The following CCNE1 variants were observed in gnomAD, a reference collection of about 807,000 sequenced individuals.
The protein encoded by CCNE1 is cyclin E1, also known as G1/S-specific cyclin-E1.
CCNE1 carries 8 observed loss-of-function variants against 54.1 expected under a neutral mutation model. The ratio of observed to expected loss-of-function variants is 0.15; its 90% CI spans 0.09 to 0.27. The LOEUF (loss-of-function observed/expected upper bound fraction) is 0.27. Ranked by LOEUF, CCNE1 falls within the 10% of genes least tolerant of loss-of-function variation. CCNE1 has a pLI of 1.00. For missense variants in CCNE1, 430 were observed against 514.9 expected, an observed-to-expected ratio of 0.84 and a Z score of 1.60; for synonymous variants, 179 against 185.2, an observed-to-expected ratio of 0.97 and a Z score of 0.27.
intron 5 of CCNE1, 62 bp downstream of exon 5, chr19:29,817,344 C>CATAGCA (rs1974045793): frequency 1.7e-5 from 28 of 1,613,432 alleles, no homozygotes; most frequent in Non-Finnish European, 2.3e-5. Flanking sequence ...CTTTATCCCT[C>CATAGCA]ATAGCATGGA....
chr19:29,821,473 AGG>A (rs1974143164), intron 7 of CCNE1, among the ~76,000 whole-genome samples: 2 of 152,182 alleles, frequency 1.3e-5, no homozygotes, highest in South Asian at 4.2e-4. Context: ...GGTACTGAAA[AGG>A]GGATATTTCA....
chr19:29,821,571 T>A (rs1187757160), intron 7 of CCNE1, 151 bp from the exon 8 acceptor site: 10 of 173,482 alleles, frequency 5.8e-5, no homozygotes, highest in Admixed American at 8.8e-5. Context: ...TTTTTTTTTT[T>A]ACAACCATTG....
intron 4 of CCNE1, among the ~76,000 whole-genome samples, chr19:29,813,521 G>A (rs1973942722): frequency 6.6e-6 from 1 of 152,106 alleles, no homozygotes; most frequent in African/African-American, 2.4e-5. Flanking sequence ...GACCTCCTCC[G>A]TCTTCTGTAG....
At chr19:29,818,757 C>T (rs562609999) in intron 6 of CCNE1, among the ~76,000 whole-genome samples, 3 of 147,964 alleles carry the variant, frequency 2.0e-5, no homozygotes, top group African/African-American at 7.5e-5. Context: ...TAGCGAGACC[C>T]CATGTCTTTT....
Position 29,823,958 on chromosome 19 carries a change from T to A in CCNE1, c.*181T>A. ...CAAAGTGTTTTTTATTGAATGCTTATAGGTTTTTTTTAAATAAGTGGGTCA... is the reference window on the plus strand; with the variant it reads ...CAAAGTGTTTTTTATTGAATGCTTAAAGGTTTTTTTTAAATAAGTGGGTCA... On this transcript the variant is annotated 3_prime_UTR_variant, in exon 12 of 12. Transcript: ENST00000262643. 3.3e-6 allele frequency: 2 copies of A among 604,266 alleles called. No individual in the cohort carries two copies. Among genetic ancestry groups the A allele is most frequent in the Non-Finnish European group, 5.2e-6 (2 of 385,916 alleles). 37.4% of individuals were successfully genotyped at this position (604,266 alleles called of 1,614,324 possible).
At position 29,818,991 on chromosome 19, in the gene CCNE1, G is replaced by A. The variant is rs3218050; in HGVS notation, c.462+1450G>A. ...TTGGTCAGGCTGGTCTTGAAGTCCC[G>A]ACCTCAGGTGATCCGCCCGCCTTGG... On this transcript the variant is annotated intron_variant, in intron 6 of 11. Coordinates refer to ENST00000262643, the MANE Select transcript of CCNE1 (RefSeq NM_001238.4). 1.8e-3 allele frequency among the ~76,000 whole-genome samples: 267 copies of A among 152,000 alleles called. 1 individual carries two copies. Among genetic ancestry groups the A allele is most frequent in the Admixed American group, 3.2e-3 (49 of 15,258 alleles).
chr19:29,821,077 C>CA (rs796487554), intron 7 of CCNE1, among the ~76,000 whole-genome samples: 61 of 142,826 alleles, frequency 4.3e-4, no homozygotes, highest in South Asian at 1.6e-3. Context: ...TACATTGAGC[C>CA]AAAAAAAAAA....
Position 29,824,168 on chromosome 19 carries a change from G to A in CCNE1, c.*391G>A, listed in dbSNP as rs145951198. 6 of 263,578 alleles carry A rather than the reference G, an allele frequency of 2.3e-5. No homozygotes were observed. The highest frequency in any genetic ancestry group is 1.1e-3 in the Middle Eastern group (1 of 920). The allele number at this position is 263,578 out of a possible 1,614,324, so 16.3% of individuals were successfully genotyped here. A position where few individuals can be genotyped will look rare whatever the true frequency, so the allele number is the denominator to read the frequency against. ...GTGGAGCAGGTGGTTGCGGGCAAGC[G>A]TTGTGCAGAGCCCATAGCCAGCTGG... On this transcript the variant is annotated 3_prime_UTR_variant, in exon 12 of 12. Coordinates refer to ENST00000262643, the MANE Select transcript of CCNE1 (RefSeq NM_001238.4).
At position 29,813,245 on chromosome 19, in the gene CCNE1, C is replaced by T. The variant is rs1024810840; in HGVS notation, c.180+208C>T. 11 of 586,182 alleles carry T rather than the reference C, an allele frequency of 1.9e-5. No individual in the cohort carries two copies. The Middle Eastern group carries it at 1.4e-3, about 72-fold the overall frequency. 36.3% of individuals were successfully genotyped at this position (586,182 alleles called of 1,614,324 possible). On this transcript the variant is annotated intron_variant, in intron 4 of 11. Transcript: ENST00000262643. ...ATTCCAGGAAGCTTGGTGTTCCTGACTGGCACCGTCTGAGATTACAGATAT... is the reference window on the plus strand; with the variant it reads ...ATTCCAGGAAGCTTGGTGTTCCTGATTGGCACCGTCTGAGATTACAGATAT...
At chr19:29,813,274 C>G (rs1452025799) in intron 4 of CCNE1, 1 of 555,404 alleles carries the variant, frequency 1.8e-6, no homozygotes, top group Admixed American at 3.1e-5. Context: ...CAGATATGTG[C>G]CTAGCCTGGA....
chr19:29,812,605 C>T, intron 2 of CCNE1, 27 bp downstream of exon 2: 2 of 1,521,230 alleles, frequency 1.3e-6, no homozygotes, highest in African/African-American at 1.4e-5. Context: ...CGGGGCCGGA[C>T]GGGACGGGAC....
In CCNE1 at chr19:29,813,047, C is replaced by T. The variant is rs769007494; in HGVS notation, c.180+10C>T. ...CCAGTGTGGGAGCCAGGTAGGTCCG[C>T]CCGGGGTTGGGCCTCTGTGGAGGTC... On this transcript the variant is annotated intron_variant, in intron 4 of 11. Coordinates refer to ENST00000262643, the MANE Select transcript of CCNE1 (RefSeq NM_001238.4). 6.2e-7 allele frequency: 1 copy of T among 1,613,838 alleles called. No individual in the cohort carries two copies. Among genetic ancestry groups the T allele is most frequent in the South Asian group, 1.1e-5 (1 of 91,062 alleles).
chr19:29,816,600 T>A (rs951325293), intron 4 of CCNE1, among the ~76,000 whole-genome samples: 5 of 152,252 alleles, frequency 3.3e-5, no homozygotes, highest in Non-Finnish European at 7.3e-5. Flanking sequence ...TTATTTAACA[T>A]ATTTGGCTAG....
intron 4 of CCNE1, among the ~76,000 whole-genome samples, chr19:29,815,177 A>G (rs1221238611): frequency 6.6e-6 from 1 of 152,212 alleles, no homozygotes; most frequent in South Asian, 2.1e-4. Flanking sequence ...GGACTCATCT[A>G]TGTCCAAAGG....
At chr19:29,821,547 CTTTTTT>C (rs35368977) in intron 7 of CCNE1, among the ~76,000 whole-genome samples, 169 bp from the exon 8 acceptor site, 4 of 110,440 alleles carry the variant, frequency 3.6e-5, no homozygotes, top group Admixed American at 9.9e-5. Flanking sequence ...GAGTTGTGTT[CTTTTTT>C]TTTTTTTTTT....
chr19:29,812,701 G>C lies in CCNE1; in HGVS notation c.36G>C (p.Glu12Asp). 6.3e-6 allele frequency: 10 copies of C among 1,590,290 alleles called. No individual in the cohort carries two copies. Among genetic ancestry groups the C allele is most frequent in the Non-Finnish European group, 8.5e-6 (10 of 1,170,552 alleles). Reference protein sequence around the residue: ...PRERRERDAKERDTMKEDGGA... With the variant: ...PRERRERDAKDRDTMKEDGGA... The stretch of plus-strand genomic sequence containing the variant: ...CCCGGGTCCACAGGGATGCGAAGGA[G>C]CGGGACACCATGAAGGAGGACGGCG... The change falls in exon 3 of 12, where the codon GAG (glutamate) becomes GAC (aspartate). Residue 12 changes from glutamate (E) to aspartate (D), a missense_variant. Glu to Asp is a conservative substitution (Grantham distance 45). Coordinates refer to ENST00000262643, the MANE Select transcript of CCNE1 (RefSeq NM_001238.4).
At chr19:29,821,071 T>C (rs773039708) in intron 7 of CCNE1, among the ~76,000 whole-genome samples, 11 of 152,076 alleles carry the variant, frequency 7.2e-5, no homozygotes, top group Non-Finnish European at 1.2e-4. Flanking sequence ...TGTAGTTACA[T>C]TGAGCCAAAA....
intron 2 of CCNE1, 48 bp downstream of exon 2, chr19:29,812,626 G>C (rs1030878257): frequency 6.5e-7 from 1 of 1,548,930 alleles, no homozygotes; most frequent in Non-Finnish European, 8.7e-7. Context: ...GGGACGGGAC[G>C]GGTGGCGTGG....
chr19:29,812,832 G>T (rs901989487), intron 3 of CCNE1, 56 bp downstream of exon 3: 1 of 1,587,816 alleles, frequency 6.3e-7, no homozygotes, highest in Non-Finnish European at 8.6e-7. Flanking sequence ...CTGGGTACCC[G>T]ACTTGGCTCT....
Sources: gnomAD v4.1 joint callset for allele counts (sites outside exome capture counted in the v4.1 genomes callset) on GRCh38, gnomAD v4.1.1 for gene constraint, MANE v1.5 for transcripts, NCBI Gene and HGNC (gene_info 2026-07-23, HGNC 2026-07-21) for gene names.